TARS1: variants seen among roughly 807,000 people sequenced by gnomAD.
TARS1 encodes threonine--tRNA ligase 1, cytoplasmic.
Under a neutral mutation model 97.7 loss-of-function variants are expected in TARS1, and 57 were observed. The observed-to-expected ratio is 0.58, with a 90% CI of 0.47 to 0.73. The LOEUF is 0.73. Among genes scored for constraint, TARS1 ranks in the 30% least tolerant of loss-of-function variants. TARS1 has a pLI of 0.00. For missense variants in TARS1, 806 were observed against 888.3 expected, an observed-to-expected ratio of 0.91 and a Z score of 1.18; for synonymous variants, 312 against 293.7, an observed-to-expected ratio of 1.06 and a Z score of -0.64.
At position 33,461,054 on chromosome 5, in the gene TARS1, C is replaced by T. The variant is rs1561077518; in HGVS notation, c.1403C>T (p.Ala468Val). 2 of 1,613,988 alleles carry T rather than the reference C, an allele frequency of 1.2e-6. No homozygotes were observed. The highest frequency in any genetic ancestry group is 1.7e-6 in the Non-Finnish European group (2 of 1,179,976). ...CAGGATGATGCTCACATATTCTGTG[C>T]CATGGAGCAGGTATGAGACCCTGGG... is the stretch of plus-strand genomic sequence containing the variant. Reference protein sequence around the residue: ...FQQDDAHIFCAMEQIEDEIKG... With the variant: ...FQQDDAHIFCVMEQIEDEIKG... The change falls in exon 12 of 19, where the codon GCC becomes GTC. Residue 468 changes from alanine (A) to valine (V), a missense_variant. Physicochemically the swap from Ala to Val is moderately conservative, Grantham distance 64 (BLOSUM62 0). Coordinates refer to ENST00000265112, the MANE Select transcript of TARS1 (RefSeq NM_152295.5).
Position 33,441,084 on chromosome 5 carries a change from C to T in TARS1, c.-3C>T. 1 of 1,614,204 alleles carries T rather than the reference C, an allele frequency of 6.2e-7. No individual in the cohort carries two copies. The highest frequency in any genetic ancestry group is 1.1e-5 in the South Asian group (1 of 91,088). ...GGTTCTCTCATCGCTTCGTCGTTCG[C>T]CAATGTTTGAGGAGAAGGCCAGCAG... On this transcript the variant is annotated 5_prime_UTR_variant, in exon 1 of 19. Coordinates refer to ENST00000265112, the MANE Select transcript of TARS1 (RefSeq NM_152295.5).
rs1434517474 is a variant in TARS1, at chr5:33,441,017, C to T, written c.-70C>T. On this transcript the variant is annotated 5_prime_UTR_variant, in exon 1 of 19. Coordinates refer to ENST00000265112, the MANE Select transcript of TARS1 (RefSeq NM_152295.5). Reference sequence around the variant, plus strand: ...CAAGTCCCGGGCGCTAGCCCACCTCCCACCCGCCTCTTGGCTCCTCTCCTC... The same window carrying T: ...CAAGTCCCGGGCGCTAGCCCACCTCTCACCCGCCTCTTGGCTCCTCTCCTC... 1.9e-6 allele frequency: 3 copies of T among 1,602,012 alleles called. No individual in the cohort carries two copies. The highest frequency in any genetic ancestry group is 1.7e-5 in the Admixed American group (1 of 59,724).
chr5:33,451,639 C>T (rs1741740775), intron 3 of TARS1, among the ~76,000 whole-genome samples: 1 of 152,210 alleles, frequency 6.6e-6, no homozygotes, highest in Non-Finnish European at 1.5e-5. Flanking sequence ...TCCCAAAGTG[C>T]TGGGATTACA....
chr5:33,457,185 G>T, intron 8 of TARS1, 72 bp from the exon 9 acceptor site: 3 of 1,556,374 alleles, frequency 1.9e-6, no homozygotes, highest in Non-Finnish European at 2.6e-6. Flanking sequence ...AGGCCTCAAA[G>T]CAATTGGGAG....
chr5:33,459,287 A>G (rs899655728), intron 10 of TARS1, among the ~76,000 whole-genome samples: 1 of 152,064 alleles, frequency 6.6e-6, no homozygotes, highest in Non-Finnish European at 1.5e-5. Context: ...ATGTATTTGT[A>G]CCCTTAAATT....
rs537938089 is a variant in TARS1, at chr5:33,461,361, A to G, written c.1551+66A>G. ...AATTGGCTTGTTCTGAGATGTAAGA[A>G]AGCCAAGCCTCTTTAAATGGATAAA... On this transcript the variant is annotated intron_variant, in intron 13 of 18. Coordinates refer to ENST00000265112, the MANE Select transcript of TARS1 (RefSeq NM_152295.5). 1.5e-5 allele frequency: 24 copies of G among 1,548,632 alleles called. No homozygotes were observed. The East Asian group carries it at 5.2e-4, about 34-fold the overall frequency.
At chr5:33,452,257 G>A in intron 3 of TARS1, 1 of 1,051,384 alleles carries the variant, frequency 9.5e-7, no homozygotes, top group East Asian at 2.6e-5. Flanking sequence ...CCTTCGTTGA[G>A]ATGTCCAGGC....
At chr5:33,467,055 T>TTTA (rs1742560019) in intron 18 of TARS1, 70 bp downstream of exon 18, 1 of 812,482 alleles carries the variant, frequency 1.2e-6, no homozygotes, top group Admixed American at 2.9e-5. Context: ...TTGAGACAGG[T>TTTA]TTAAGTGAAT....
At chr5:33,449,317 G>GTATGTATATATATA (rs1741586782) in intron 3 of TARS1, among the ~76,000 whole-genome samples, 1 of 136,364 alleles carries the variant, frequency 7.3e-6, no homozygotes, top group African/African-American at 2.9e-5. Flanking sequence ...ATATATATGT[G>GTATGTATATATATA]TATATATATA....
chr5:33,443,354 T>TCTCTCTCTCTCC (rs1356540891), intron 1 of TARS1, among the ~76,000 whole-genome samples: 1 of 145,206 alleles, frequency 6.9e-6, no homozygotes, highest in East Asian at 2.0e-4. Context: ...TCTCTCTCTC[T>TCTCTCTCTCTCC]CTCTCTCACT....
intron 17 of TARS1, among the ~76,000 whole-genome samples, chr5:33,464,590 A>G (rs893964053): frequency 2.0e-4 from 30 of 152,372 alleles, no homozygotes; most frequent in African/African-American, 7.0e-4. Flanking sequence ...AGACCATCAG[A>G]ATAAACCACA....
At chr5:33,459,544 C>T (rs1742191916) in intron 10 of TARS1, 151 bp from the exon 11 acceptor site, 1 of 907,030 alleles carries the variant, frequency 1.1e-6, no homozygotes, top group Non-Finnish European at 1.6e-6. Context: ...AGAGTTTTCT[C>T]TCTGGTATAT....
chr5:33,457,533 T>G (rs1275620023), intron 9 of TARS1, 130 bp downstream of exon 9: 1 of 952,418 alleles, frequency 1.0e-6, no homozygotes, highest in African/African-American at 1.7e-5. Context: ...TAACTGGTGC[T>G]ATGTCCTGTA....
intron 3 of TARS1, among the ~76,000 whole-genome samples, chr5:33,451,251 TATAAC>T (rs953507621): frequency 1.3e-5 from 2 of 152,208 alleles, no homozygotes; most frequent in African/African-American, 4.8e-5. Flanking sequence ...TGTGAAAAAT[TATAAC>T]ATTGATAACA....
intron 13 of TARS1, 125 bp downstream of exon 13, chr5:33,461,420 G>A (rs1287196855): frequency 2.5e-5 from 33 of 1,340,160 alleles, no homozygotes; most frequent in Non-Finnish European, 3.2e-5. Flanking sequence ...TCCTAGGTTT[G>A]TGTAAGCTAG....
rs1474591406 is a variant in TARS1 at position 33,459,682 on chromosome 5, T to C, written c.1084-13T>C. 1 of 1,613,660 alleles carries C rather than the reference T, an allele frequency of 6.2e-7. No homozygotes were observed. Among genetic ancestry groups the C allele is most frequent in the Admixed American group, 1.7e-5 (1 of 59,940 alleles). On this transcript the variant is annotated splice_polypyrimidine_tract_variant and intron_variant, in intron 10 of 18. Transcript: ENST00000265112. ...TTATTTGCCTACACATGTTTCTGTT[T>C]ATTTTCTATCAGAGCGAATATAGGA...
At chr5:33,456,305 T>G in intron 8 of TARS1, 78 bp downstream of exon 8, 1 of 1,182,902 alleles carries the variant, frequency 8.5e-7, no homozygotes, top group Non-Finnish European at 1.2e-6. Context: ...TGATTTCTCT[T>G]TACCATTTTC....
chr5:33,458,001 A>G (rs935399465), intron 9 of TARS1, among the ~76,000 whole-genome samples: 4 of 152,166 alleles, frequency 2.6e-5, no homozygotes, highest in African/African-American at 4.8e-5. Flanking sequence ...CATTCCAGCT[A>G]TGAGGCAGCC....
At chr5:33,448,442 C>T in intron 2 of TARS1, 99 bp from the exon 3 acceptor site, 2 of 1,037,210 alleles carry the variant, frequency 1.9e-6, no homozygotes, top group Non-Finnish European at 1.3e-6. Context: ...ATCAATAGTC[C>T]TGGGTTTCTG....
Sources: gnomAD v4.1 joint callset for allele counts (sites outside exome capture counted in the v4.1 genomes callset) on GRCh38, gnomAD v4.1.1 for gene constraint, MANE v1.5 for transcripts, NCBI Gene and HGNC (gene_info 2026-07-23, HGNC 2026-07-21) for gene names.